The following CDC42EP1 variants were observed in gnomAD, a reference collection of about 807,000 sequenced individuals.
CDC42EP1 encodes the protein CDC42 effector protein 1.
CDC42EP1 carries 6 observed loss-of-function variants against 7.4 expected under a neutral mutation model. The ratio of observed to expected loss-of-function variants is 0.81; its 90% CI spans 0.44 to 1.60. The LOEUF is 1.60. Among genes scored for constraint, CDC42EP1 ranks in the 40% most tolerant of loss-of-function variants. The pLI is 0.01. For synonymous variants in CDC42EP1, 238 were observed against 227.1 expected (o/e 1.05, Z -0.43); for missense variants, 567 against 539.0 (o/e 1.05, Z -0.51).
Position 37,566,539 on chromosome 22 carries a change from C to T in CDC42EP1, c.190C>T (p.Leu64Phe). ...GGDVFGDTSF[L>F]SNHGGSSGST... ...GGATGTCTTCGGGGACACGTCCTTC[C>T]TCAGCAACCACGGTGGCAGCTCCGG... The change falls in exon 2 of 3, where the codon CTC (leucine) becomes TTC (phenylalanine). Residue 64 changes from leucine to phenylalanine, a missense_variant. Coordinates refer to ENST00000249014, the MANE Select transcript of CDC42EP1 (RefSeq NM_152243.3). This position sits in a 1 kb window ranked among gnomAD's most constrained non-coding sequence, Gnocchi z 6.4. 2 of 1,610,536 alleles carry T rather than the reference C, an allele frequency of 1.2e-6. No homozygotes were observed. The highest frequency in any genetic ancestry group is 1.7e-6 in the Non-Finnish European group (2 of 1,177,508).
Position 37,566,916 on chromosome 22 carries a change from G to C in CDC42EP1, c.463+104G>C, listed in dbSNP as rs563021809. On this transcript the variant is annotated intron_variant, in intron 2 of 2. Transcript: ENST00000249014. This position sits in a 1 kb window ranked among gnomAD's most constrained non-coding sequence, Gnocchi z 6.4. ...TCCAAGTGAGCTCCAAGTGACCACAGAGGTCAGGCCCAGACCCCACATCAT... is the reference window on the plus strand; with the variant it reads ...TCCAAGTGAGCTCCAAGTGACCACACAGGTCAGGCCCAGACCCCACATCAT... The C allele has an allele frequency of 8.2e-6, 7 of 850,576 alleles. No homozygotes were observed. The highest frequency in any genetic ancestry group is 4.9e-4 in the Middle Eastern group (2 of 4,084). 52.7% of individuals were successfully genotyped at this position (850,576 alleles called of 1,614,324 possible).
Position 37,566,336 on chromosome 22 carries a change from A to G in CDC42EP1, c.-14A>G. On this transcript the variant is annotated 5_prime_UTR_variant, in exon 2 of 3. Transcript: ENST00000249014. This position sits in a 1 kb window ranked among gnomAD's most constrained non-coding sequence, Gnocchi z 6.4. ...TGGTAGGCATGGACTAGCAGCTGTG[A>G]GCAGCCAGAGCTGATGCCCGGCCCC... 4.3e-6 allele frequency: 5 copies of G among 1,176,292 alleles called. No homozygotes were observed. The highest frequency in any genetic ancestry group is 5.5e-6 in the Non-Finnish European group (5 of 911,944). The allele number at this position is 1,176,292 out of a possible 1,614,324, so 72.9% of individuals were successfully genotyped here.
chr22:37,566,565 G>A lies in CDC42EP1; in HGVS notation c.216G>A (p.Gly72=), dbSNP rs1231203372. Residue 72 remains glycine (G), a synonymous_variant, in exon 2 of 3, where the codon GGG becomes GGA. Transcript: ENST00000249014. The surrounding 1 kb of genome is among the most constrained non-coding windows in gnomAD (Gnocchi z 6.4). ...SFLSNHGGSS[G]STHRSPRSFL... ...TCAGCAACCACGGTGGCAGCTCCGG[G>A]AGCACCCATCGCTCACCCCGCAGCT... The A allele has an allele frequency of 1.2e-6, 2 of 1,607,438 alleles. No individual in the cohort carries two copies. Among genetic ancestry groups the A allele is most frequent in the Non-Finnish European group, 1.7e-6 (2 of 1,175,438 alleles).
chr22:37,566,016 G>A lies in CDC42EP1; in HGVS notation c.-278-56G>A, dbSNP rs189445398. On this transcript the variant is annotated intron_variant, in intron 1 of 2. Transcript: ENST00000249014. The surrounding 1 kb of genome is among the most constrained non-coding windows in gnomAD (Gnocchi z 6.4). ...CTTCAGCTGCTAATGTTTGGACCCC[G>A]GATTTCCTCCTCTGTCGCGGGCCTG... The A allele has an allele frequency of 1.3e-4, 34 of 255,196 alleles. No individual in the cohort carries two copies. Among genetic ancestry groups the A allele is most frequent in the Non-Finnish European group, 2.2e-4 (30 of 134,762 alleles). The allele number at this position is 255,196 out of a possible 1,614,324, so 15.8% of individuals were successfully genotyped here.
intron 1 of CDC42EP1, among the ~76,000 whole-genome samples, chr22:37,562,369 T>C (rs1925074932): frequency 6.6e-6 from 1 of 152,140 alleles, no homozygotes. Context: ...CAGTGCCAGG[T>C]GAGGCACACC....
At chr22:37,561,757 G>C (rs998951769) in intron 1 of CDC42EP1, among the ~76,000 whole-genome samples, 1 of 152,202 alleles carries the variant, frequency 6.6e-6, no homozygotes, top group Non-Finnish European at 1.5e-5. Flanking sequence ...CACCCGAGCA[G>C]TGGCCTCCAG....
In CDC42EP1 at chr22:37,567,847, G is replaced by A. The variant is rs118144793; in HGVS notation, c.464-261G>A. Reference sequence around the variant, plus strand: ...TCTATGGCCTTGGGCTAGCTCCTTCGCCCCATCCCAAACTGAGCCTCACTT... The same window carrying A: ...TCTATGGCCTTGGGCTAGCTCCTTCACCCCATCCCAAACTGAGCCTCACTT... On this transcript the variant is annotated intron_variant, in intron 2 of 2. Coordinates refer to ENST00000249014, the MANE Select transcript of CDC42EP1 (RefSeq NM_152243.3). Among the ~76,000 whole-genome samples, 268 of 152,260 alleles carry A rather than the reference G, an allele frequency of 1.8e-3. 1 individual carries two copies. The highest frequency in any genetic ancestry group is 6.8e-3 in the Middle Eastern group (2 of 294).
In CDC42EP1 at chr22:37,568,564, G is replaced by T; in HGVS notation, c.920G>T (p.Gly307Val). 1.9e-6 allele frequency: 3 copies of T among 1,606,452 alleles called. No individual in the cohort carries two copies. The South Asian group carries it at 3.3e-5, about 18-fold the overall frequency. ...VAEVKSSPVG[G>V]GPRGPAGPAL... Reference sequence around the variant, plus strand: ...GAGGTGAAGTCCAGCCCAGTGGGAGGGGGTCCCCGAGGACCTGCTGGCCCT... The same window carrying T: ...GAGGTGAAGTCCAGCCCAGTGGGAGTGGGTCCCCGAGGACCTGCTGGCCCT... Residue 307 changes from glycine to valine, a missense_variant, in exon 3 of 3, where the codon GGG becomes GTG. By Grantham distance (109) the Gly-to-Val change is moderately radical. Coordinates refer to ENST00000249014, the MANE Select transcript of CDC42EP1 (RefSeq NM_152243.3).
At position 37,568,496 on chromosome 22, in the gene CDC42EP1, A is replaced by G. The variant is rs905590724; in HGVS notation, c.852A>G (p.Gly284=). ...CTGCCGCAAGCTCCACACCCCATGG[A>G]CACTGTCCCAATGGGGTAACAGCTG... is the stretch of plus-strand genomic sequence containing the variant. The part of the protein sequence containing the change: ...PAPAASSTPH[G]HCPNGVTAGL... The change falls in exon 3 of 3, where the codon GGA becomes GGG. Residue 284 remains glycine (G), a synonymous_variant. Transcript: ENST00000249014. 5.0e-6 allele frequency: 8 copies of G among 1,608,198 alleles called. No individual in the cohort carries two copies. The highest frequency in any genetic ancestry group is 6.8e-6 in the Non-Finnish European group (8 of 1,177,396).
chr22:37,567,333 TG>T (rs1179556171), intron 2 of CDC42EP1, among the ~76,000 whole-genome samples: 4 of 152,210 alleles, frequency 2.6e-5, no homozygotes, highest in Non-Finnish European at 1.5e-5. Flanking sequence ...CTCAGGACAC[TG>T]GAGCTGTTGT....
chr22:37,568,775 C>A lies in CDC42EP1; in HGVS notation c.1131C>A (p.Thr377=), dbSNP rs145918471. The A allele has an allele frequency of 6.0e-5, 90 of 1,498,518 alleles. No individual in the cohort carries two copies. Among genetic ancestry groups the A allele is most frequent in the Non-Finnish European group, 7.8e-5 (88 of 1,122,864 alleles). The allele number at this position is 1,498,518 out of a possible 1,614,324, so 92.8% of individuals were successfully genotyped here. ...TGCCCAGCACAGTGCAAGCAAACAC[C>A]TTTGAATTTGCGGATGCTGAGGAGG... ...TPVPSTVQAN[T]FEFADAEEDD... Residue 377 remains threonine, a synonymous_variant, in exon 3 of 3, where the codon ACC becomes ACA. Transcript: ENST00000249014.
At position 37,568,211 on chromosome 22, in the gene CDC42EP1, C is replaced by T; in HGVS notation, c.567C>T (p.Arg189=). ...TCCCCTCTGAGCCCGGGCTTCGCCG[C>T]TCTGACTCTCTCTTGTCCTTCCGCC... ...GSFPSEPGLR[R]SDSLLSFRLD... The change falls in exon 3 of 3, where the codon CGC becomes CGT. Residue 189 remains arginine, a synonymous_variant. Transcript: ENST00000249014. 1 of 1,613,946 alleles carries T rather than the reference C, an allele frequency of 6.2e-7. No individual in the cohort carries two copies. Among genetic ancestry groups the T allele is most frequent in the Non-Finnish European group, 8.5e-7 (1 of 1,179,990 alleles).
rs1288921791 is a variant in CDC42EP1 at position 37,568,650 on chromosome 22, G to T, written c.1006G>T (p.Ala336Ser). ...DGGHHYPEMD[A>S]RQERVEVLPQ... ...CGGCCACCACTACCCAGAGATGGAT[G>T]CGCGGCAGGAGCGGGTGGAGGTGCT... Residue 336 changes from alanine (A) to serine (S), a missense_variant, in exon 3 of 3, where the codon GCG becomes TCG. Coordinates refer to ENST00000249014, the MANE Select transcript of CDC42EP1 (RefSeq NM_152243.3). The T allele has an allele frequency of 6.4e-7, 1 of 1,572,172 alleles. No individual in the cohort carries two copies. Among genetic ancestry groups the T allele is most frequent in the Admixed American group, 1.8e-5 (1 of 54,978 alleles).
chr22:37,561,902 C>A (rs1199719888), intron 1 of CDC42EP1, among the ~76,000 whole-genome samples: 1 of 152,230 alleles, frequency 6.6e-6, no homozygotes, highest in African/African-American at 2.4e-5. Flanking sequence ...CACAGCGACC[C>A]CTGTTGGCCC....
chr22:37,568,941 C>T lies in CDC42EP1; in HGVS notation c.*121C>T. The T allele has an allele frequency of 1.7e-6, 1 of 598,356 alleles. No individual in the cohort carries two copies. Among genetic ancestry groups the T allele is most frequent in the Non-Finnish European group, 2.6e-6 (1 of 379,156 alleles). 37.1% of individuals were successfully genotyped at this position (598,356 alleles called of 1,614,324 possible). A position where few individuals can be genotyped will look rare whatever the true frequency, so the allele number is the denominator to read the frequency against. On this transcript the variant is annotated 3_prime_UTR_variant, in exon 3 of 3. Transcript: ENST00000249014. ...GTTGCCCCTAAACCCCTCCCCACCT[C>T]TGCAGGACAGACATGGGAGGGAGGA... is the stretch of plus-strand genomic sequence containing the variant.
At chr22:37,564,953 T>C (rs981979520) in intron 1 of CDC42EP1, among the ~76,000 whole-genome samples, 9 of 152,134 alleles carry the variant, frequency 5.9e-5, no homozygotes, top group African/African-American at 2.2e-4. Flanking sequence ...TAATTTTTTG[T>C]ATTTCTGGTA....
chr22:37,568,896 C>A lies in CDC42EP1; in HGVS notation c.*76C>A. On this transcript the variant is annotated 3_prime_UTR_variant, in exon 3 of 3. Coordinates refer to ENST00000249014, the MANE Select transcript of CDC42EP1 (RefSeq NM_152243.3). ...CACCTAACAGCTGGTTCCTACCAGA[C>A]CGGAGAGGGGAGAAGTCATGTTGCC... 1.9e-6 allele frequency: 2 copies of A among 1,049,612 alleles called. No homozygotes were observed. Among genetic ancestry groups the A allele is most frequent in the Non-Finnish European group, 2.6e-6 (2 of 769,894 alleles). 65.0% of individuals were successfully genotyped at this position (1,049,612 alleles called of 1,614,324 possible). A position where few individuals can be genotyped will look rare whatever the true frequency, so the allele number is the denominator to read the frequency against.
chr22:37,566,415 C>A lies in CDC42EP1; in HGVS notation c.66C>A (p.Gly22=). ...GCCTGGGCAAGCTCTCGCCTGTGGG[C>A]TGGGTGTCCAGTTCACAGGGAAAGA... ...TMSLGKLSPV[G]WVSSSQGKRR... Residue 22 remains glycine, a synonymous_variant, in exon 2 of 3, where the codon GGC becomes GGA. Coordinates refer to ENST00000249014, the MANE Select transcript of CDC42EP1 (RefSeq NM_152243.3). The surrounding 1 kb of genome is among the most constrained non-coding windows in gnomAD (Gnocchi z 6.4). 6.2e-7 allele frequency: 1 copy of A among 1,604,406 alleles called. No individual in the cohort carries two copies. The highest frequency in any genetic ancestry group is 8.5e-7 in the Non-Finnish European group (1 of 1,175,318).
chr22:37,560,895 C>T (rs1428680691), intron 1 of CDC42EP1, among the ~76,000 whole-genome samples: 1 of 151,956 alleles, frequency 6.6e-6, no homozygotes, highest in Non-Finnish European at 1.5e-5. Context: ...GGGGCTGTCT[C>T]CGCGCCTTCC....
Sources: gnomAD v4.1 joint callset for allele counts (sites outside exome capture counted in the v4.1 genomes callset) on GRCh38, gnomAD v4.1.1 for gene constraint, Gnocchi (gnomAD v3.1) non-coding constraint, MANE v1.5 for transcripts, NCBI Gene and HGNC (gene_info 2026-07-23, HGNC 2026-07-21) for gene names.